The following ASTN2 variants were observed in gnomAD, a reference collection of about 807,000 sequenced individuals.
The protein encoded by ASTN2 is astrotactin-2.
A neutral mutation model predicts 139.8 loss-of-function variants in ASTN2; 54 were observed. That is an observed-to-expected ratio of 0.39 (90% CI 0.31 to 0.48). ASTN2 has a LOEUF of 0.48. Among genes scored for constraint, ASTN2 ranks in the 20% least tolerant of loss-of-function variants. The pLI is 0.95. For synonymous variants in ASTN2, 756 were observed against 719.5 expected (o/e 1.05, Z -0.81); for missense variants, 1,565 against 1,725.1 (o/e 0.91, Z 1.64).
chr9:117,325,685 C>G (rs908900300), intron 1 of ASTN2, among the ~76,000 whole-genome samples: 11 of 152,192 alleles, frequency 7.2e-5, no homozygotes, highest in Admixed American at 4.6e-4. Context: ...GTTCTGTTGT[C>G]AAGATAATGC....
rs560556950 is a variant in ASTN2, at chr9:116,516,923, C to G, written c.3356-29423G>C. Reference sequence around the variant, plus strand: ...CCTTCTGGGAACATAACTCCATTGGCCTGGGAACCATACCCCATTCCCCAC... The same window carrying G: ...CCTTCTGGGAACATAACTCCATTGGGCTGGGAACCATACCCCATTCCCCAC... On this transcript the variant is annotated intron_variant, in intron 19 of 22. Coordinates refer to ENST00000313400, the MANE Select transcript of ASTN2 (RefSeq NM_001365068.1). 7.9e-5 allele frequency among the ~76,000 whole-genome samples: 12 copies of G among 152,278 alleles called. No individual in the cohort carries two copies. The South Asian group carries it at 2.5e-3, about 32-fold the overall frequency.
At chr9:116,718,741 T>G (rs944254610) in intron 16 of ASTN2, among the ~76,000 whole-genome samples, 1 of 151,784 alleles carries the variant, frequency 6.6e-6, no homozygotes, top group Non-Finnish European at 1.5e-5. Flanking sequence ...TGGAAACATC[T>G]TCTTTTGTTG....
chr9:116,800,300 C>T (rs752606682), intron 13 of ASTN2, among the ~76,000 whole-genome samples: 2 of 152,122 alleles, frequency 1.3e-5, no homozygotes, highest in African/African-American at 4.8e-5. Context: ...AGTGTCTCCT[C>T]TGTTTTTGTC....
intron 10 of ASTN2, among the ~76,000 whole-genome samples, chr9:116,970,280 C>A (rs1024737029): frequency 6.6e-6 from 1 of 152,140 alleles, no homozygotes; most frequent in Non-Finnish European, 1.5e-5. Context: ...CTTTGGGGAT[C>A]ATTATCAGTC....
intron 3 of ASTN2, among the ~76,000 whole-genome samples, chr9:117,206,707 C>T (rs1319910087): frequency 3.3e-5 from 5 of 152,154 alleles, no homozygotes; most frequent in African/African-American, 1.2e-4. Flanking sequence ...ACCCCCACTA[C>T]CCTACTTCCA....
At chr9:116,714,394 A>G (rs546188182) in intron 16 of ASTN2, among the ~76,000 whole-genome samples, 102 of 152,344 alleles carry the variant, frequency 6.7e-4, no homozygotes, top group African/African-American at 2.5e-3. Context: ...CTTTTGCTTG[A>G]GAAAACTAAC....
intron 17 of ASTN2, among the ~76,000 whole-genome samples, chr9:116,626,802 G>A (rs980195633): frequency 1.3e-5 from 2 of 152,146 alleles, no homozygotes; most frequent in South Asian, 2.1e-4. Context: ...TGATCAGGAC[G>A]GAATTGATGA....
At chr9:117,391,249 G>A (rs892440350) in intron 1 of ASTN2, among the ~76,000 whole-genome samples, 2 of 152,154 alleles carry the variant, frequency 1.3e-5, no homozygotes, top group East Asian at 1.9e-4. Context: ...AGCACAATGG[G>A]AAGTCATCAT....
chr9:117,284,830 C>A (rs1039141856), intron 2 of ASTN2, among the ~76,000 whole-genome samples: 3 of 152,188 alleles, frequency 2.0e-5, no homozygotes, highest in African/African-American at 7.2e-5. Flanking sequence ...AAAGTACATG[C>A]TCAAATCCCA....
At chr9:116,575,343 T>C (rs1228700549) in intron 19 of ASTN2, among the ~76,000 whole-genome samples, 1 of 151,726 alleles carries the variant, frequency 6.6e-6, no homozygotes, top group Non-Finnish European at 1.5e-5. Context: ...TCCAAAAAGA[T>C]GAACAAAGGT....
At position 117,060,481 on chromosome 9, in the gene ASTN2, G is replaced by A. The variant is rs1177574328; in HGVS notation, c.1277-20516C>T. Among the ~76,000 whole-genome samples the A allele has an allele frequency of 1.1e-4, 10 of 91,098 alleles. 2 individuals carry two copies. The highest frequency in any genetic ancestry group is 1.7e-4 in the Non-Finnish European group (8 of 46,058). 59.8% of individuals were successfully genotyped at this position (91,098 alleles called of 152,430 possible). Reference sequence around the variant, plus strand: ...GAAAGGAAGGAAGGAAGGAAGGAAGGAAGGAATGAAAGAAAGAAAGAAAGA... The same window carrying A: ...GAAAGGAAGGAAGGAAGGAAGGAAGAAAGGAATGAAAGAAAGAAAGAAAGA... On this transcript the variant is annotated intron_variant, in intron 5 of 22. Coordinates refer to ENST00000313400, the MANE Select transcript of ASTN2 (RefSeq NM_001365068.1).
intron 6 of ASTN2, among the ~76,000 whole-genome samples, chr9:117,009,460 G>A (rs746180610): frequency 1.3e-5 from 2 of 152,086 alleles, no homozygotes; most frequent in Non-Finnish European, 2.9e-5. Flanking sequence ...CTGCATGTAA[G>A]TTGCAAATGG....
chr9:116,862,807 T>TAC (rs751612533), intron 11 of ASTN2, among the ~76,000 whole-genome samples: 15,007 of 90,772 alleles, frequency 0.17, 848 homozygotes, highest in South Asian at 0.32. Flanking sequence ...CACACACAAA[T>TAC]ACACACACAC....
At chr9:116,441,200 A>G (rs1484086823) in intron 21 of ASTN2, among the ~76,000 whole-genome samples, 1 of 152,080 alleles carries the variant, frequency 6.6e-6, no homozygotes, top group Admixed American at 6.6e-5. Flanking sequence ...TATTTCCAAC[A>G]CATTTCTGTG....
At chr9:117,376,456 A>G (rs1051663449) in intron 1 of ASTN2, among the ~76,000 whole-genome samples, 2 of 152,206 alleles carry the variant, frequency 1.3e-5, no homozygotes, top group African/African-American at 4.8e-5. Context: ...TTTAAGACAG[A>G]TTTGGTGATT....
At chr9:117,005,098 T>TG (rs1447961738) in intron 7 of ASTN2, among the ~76,000 whole-genome samples, 1 of 144,986 alleles carries the variant, frequency 6.9e-6, no homozygotes, top group Non-Finnish European at 1.5e-5. Context: ...TTTTTTTTTT[T>TG]TTTTTTGAGA....
chr9:117,137,100 AG>A (rs1829969597), intron 4 of ASTN2, among the ~76,000 whole-genome samples: 1 of 152,090 alleles, frequency 6.6e-6, no homozygotes, highest in Non-Finnish European at 1.5e-5. Flanking sequence ...GATGCTGGGG[AG>A]TGGCTCCTTA....
intron 2 of ASTN2, among the ~76,000 whole-genome samples, chr9:117,217,986 C>T (rs907317513): frequency 1.2e-4 from 19 of 152,190 alleles, no homozygotes; most frequent in African/African-American, 3.4e-4. Flanking sequence ...TAGAGACAAA[C>T]GTCATTTACT....
intron 1 of ASTN2, among the ~76,000 whole-genome samples, chr9:117,328,150 C>G (rs1475791558): frequency 6.6e-6 from 1 of 152,172 alleles, no homozygotes; most frequent in Non-Finnish European, 1.5e-5. Context: ...AATTCCCTTT[C>G]TCGGACTCGG....
Sources: gnomAD v4.1 joint callset for allele counts (sites outside exome capture counted in the v4.1 genomes callset) on GRCh38, gnomAD v4.1.1 for gene constraint, MANE v1.5 for transcripts, NCBI Gene and HGNC (gene_info 2026-07-23, HGNC 2026-07-21) for gene names.